EXOC2: variants seen among roughly 807,000 people sequenced by gnomAD.
The protein encoded by EXOC2 is exocyst complex component 2.
EXOC2 carries 70 observed loss-of-function variants against 131.8 expected under a neutral mutation model. That is an observed-to-expected ratio of 0.53 (90% CI 0.44 to 0.65). The LOEUF (loss-of-function observed/expected upper bound fraction) is 0.65. Ranked by LOEUF, EXOC2 falls within the 30% of genes least tolerant of loss-of-function variation. EXOC2 has a pLI of 0.00. For synonymous variants in EXOC2, 411 were observed against 398.4 expected (o/e 1.03, Z -0.38); for missense variants, 923 against 1,108.6 (o/e 0.83, Z 2.38).
At chr6:639,062 G>A (rs1481645412) in intron 1 of EXOC2, among the ~76,000 whole-genome samples, 1 of 152,154 alleles carries the variant, frequency 6.6e-6, no homozygotes, top group African/African-American at 2.4e-5. Flanking sequence ...TATCTTTATG[G>A]ACTAAAAAGT....
At chr6:588,591 G>C (rs1450462879) in intron 11 of EXOC2, among the ~76,000 whole-genome samples, 1 of 152,240 alleles carries the variant, frequency 6.6e-6, no homozygotes, top group African/African-American at 2.4e-5. Context: ...CTGACCTTGT[G>C]ATCCGCCCGC....
chr6:660,963 C>A (rs538535757), intron 1 of EXOC2, among the ~76,000 whole-genome samples: 22 of 152,144 alleles, frequency 1.4e-4, no homozygotes, highest in South Asian at 8.3e-4. Context: ...AAAAAACAAT[C>A]AAAAATTCAG....
At chr6:631,741 A>G (rs1761869386) in intron 3 of EXOC2, among the ~76,000 whole-genome samples, 1 of 152,134 alleles carries the variant, frequency 6.6e-6, no homozygotes, top group Non-Finnish European at 1.5e-5. Context: ...TTCCTGCTTT[A>G]GTTTCAGTTT....
intron 13 of EXOC2, 109 bp downstream of exon 13, chr6:572,411 C>G: frequency 7.4e-7 from 1 of 1,346,694 alleles, no homozygotes; most frequent in Non-Finnish European, 1.0e-6. Flanking sequence ...ATGACGATGG[C>G]TAGAGATGTT....
At chr6:607,654 T>G (rs1760492102) in intron 7 of EXOC2, among the ~76,000 whole-genome samples, 1 of 152,244 alleles carries the variant, frequency 6.6e-6, no homozygotes, top group Non-Finnish European at 1.5e-5. Flanking sequence ...TTGGAAGTGC[T>G]CAGTAGCTAC....
intron 11 of EXOC2, among the ~76,000 whole-genome samples, chr6:578,986 A>G (rs1758739925): frequency 2.0e-5 from 3 of 152,186 alleles, no homozygotes; most frequent in African/African-American, 7.2e-5. Context: ...GCCCAAACTT[A>G]GCGTCACATT....
chr6:529,486 G>A (rs759308999), intron 23 of EXOC2, among the ~76,000 whole-genome samples: 2 of 152,244 alleles, frequency 1.3e-5, no homozygotes, highest in Admixed American at 6.5e-5. Flanking sequence ...CGACAGAGAA[G>A]AATCACTTTG....
chr6:621,995 A>T (rs1302632275), intron 4 of EXOC2, among the ~76,000 whole-genome samples: 1 of 152,208 alleles, frequency 6.6e-6, no homozygotes, highest in East Asian at 1.9e-4. Flanking sequence ...AACCCCGGCT[A>T]AGTGACCCAG....
At chr6:576,682 T>C (rs1758596049) in intron 12 of EXOC2, 75 bp downstream of exon 12, 1 of 1,569,108 alleles carries the variant, frequency 6.4e-7, no homozygotes, top group East Asian at 2.3e-5. Flanking sequence ...TTGGGGAATT[T>C]TCCAAGAGAA....
At position 684,930 on chromosome 6, in the gene EXOC2, C is replaced by T. The variant is rs114785959; in HGVS notation, c.-44+8089G>A. On this transcript the variant is annotated intron_variant, in intron 1 of 27. Coordinates refer to ENST00000230449, the MANE Select transcript of EXOC2 (RefSeq NM_018303.6). ...GAAATCTGAACAAAATGAGTGATCACGGTCTCACCTTGTCATGCTCCCAGA... is the reference window on the plus strand; with the variant it reads ...GAAATCTGAACAAAATGAGTGATCATGGTCTCACCTTGTCATGCTCCCAGA... Among the ~76,000 whole-genome samples, 626 of 152,254 alleles carry T rather than the reference C, an allele frequency of 4.1e-3. 5 individuals carry two copies. The highest frequency in any genetic ancestry group is 0.014 in the African/African-American group (583 of 41,548).
chr6:564,051 A>G lies in EXOC2; in HGVS notation c.1771T>C (p.Leu591=). The G allele has an allele frequency of 6.2e-7, 1 of 1,614,144 alleles. No homozygotes were observed. Among genetic ancestry groups the G allele is most frequent in the Non-Finnish European group, 8.5e-7 (1 of 1,180,028 alleles). ...DLRVRCVMAT[L]QHTAEEIKRL... ...AACACACCTTCCGCCGTGTGCTGCA[A>G]CGTGGCCATTACGCAACGTACTCGG... The change falls in exon 16 of 28, where the codon TTG becomes CTG. Residue 591 remains leucine (L), a synonymous_variant. Coordinates refer to ENST00000230449, the MANE Select transcript of EXOC2 (RefSeq NM_018303.6).
At chr6:575,075 C>T (rs1439784084) in intron 12 of EXOC2, among the ~76,000 whole-genome samples, 1 of 152,218 alleles carries the variant, frequency 6.6e-6, no homozygotes, top group East Asian at 1.9e-4. Flanking sequence ...ATGTGATCCC[C>T]AATGTTGCAG....
At chr6:631,271 A>G (rs7760802) in intron 3 of EXOC2, among the ~76,000 whole-genome samples, 109,348 of 152,164 alleles carry the variant, frequency 0.72, 41,064 homozygotes, top group Non-Finnish European at 0.83. Context: ...CGGGTGCAGT[A>G]GCTCACACCT....
At chr6:677,007 C>T (rs370430634) in intron 1 of EXOC2, among the ~76,000 whole-genome samples, 211 of 55,826 alleles carry the variant, frequency 3.8e-3, no homozygotes, top group African/African-American at 7.1e-3. Flanking sequence ...CTGGAGACTG[C>T]GGTTCCCCAT....
chr6:486,599 C>A lies in EXOC2; in HGVS notation c.*72G>T. 1 of 1,347,368 alleles carries A rather than the reference C, an allele frequency of 7.4e-7. No homozygotes were observed. The highest frequency in any genetic ancestry group is 1.2e-5 in the South Asian group (1 of 81,806). The allele number at this position is 1,347,368 out of a possible 1,614,324, so 83.5% of individuals were successfully genotyped here. Reference sequence around the variant, plus strand: ...ACCCAATGTTTAATACACCAAATACCTTTAGGGTACTTAGAGAGTGAACAG... The same window carrying A: ...ACCCAATGTTTAATACACCAAATACATTTAGGGTACTTAGAGAGTGAACAG... On this transcript the variant is annotated 3_prime_UTR_variant, in exon 28 of 28. Transcript: ENST00000230449.
intron 4 of EXOC2, among the ~76,000 whole-genome samples, chr6:626,717 A>G (rs1279184970): frequency 1.3e-5 from 2 of 151,850 alleles, no homozygotes; most frequent in Non-Finnish European, 2.9e-5. Flanking sequence ...TCAGCCTCCC[A>G]AGTAGCTGAG....
chr6:507,135 CAT>C (rs1298307866), intron 23 of EXOC2, among the ~76,000 whole-genome samples: 104 of 88,072 alleles, frequency 1.2e-3, no homozygotes, highest in Non-Finnish European at 1.1e-3. Context: ...TACACACACA[CAT>C]ACACACACAC....
chr6:603,185 C>T (rs1760198114), intron 7 of EXOC2, among the ~76,000 whole-genome samples: 1 of 152,034 alleles, frequency 6.6e-6, no homozygotes, highest in Non-Finnish European at 1.5e-5. Flanking sequence ...CACCTGCTAC[C>T]CCACCCACCA....
intron 23 of EXOC2, among the ~76,000 whole-genome samples, chr6:502,749 C>T (rs762663082): frequency 2.0e-5 from 3 of 152,016 alleles, no homozygotes; most frequent in Non-Finnish European, 2.9e-5. Context: ...AGCTCAAAGA[C>T]GTAACCTTGG....
Sources: gnomAD v4.1 joint callset for allele counts (sites outside exome capture counted in the v4.1 genomes callset) on GRCh38, gnomAD v4.1.1 for gene constraint, MANE v1.5 for transcripts, NCBI Gene and HGNC (gene_info 2026-07-23, HGNC 2026-07-21) for gene names.